Variants in PAWR observed in about 807,000 individuals in gnomAD.
PAWR encodes the protein pro-apoptotic WT1 regulator, also known as PRKC apoptosis WT1 regulator protein.
Under a neutral mutation model 32.0 loss-of-function variants are expected in PAWR, and 23 were observed. That is an observed-to-expected ratio of 0.72 (90% CI 0.52 to 1.02). PAWR has a LOEUF of 1.02. Ranked by LOEUF, PAWR falls within the 50% of genes least tolerant of loss-of-function variation. PAWR has a pLI of 0.00. For synonymous variants in PAWR, 226 were observed against 187.1 expected (o/e 1.21, Z -1.70); for missense variants, 457 against 437.7 (o/e 1.04, Z -0.39).
At chr12:79,658,097 G>A (rs1056979669) in intron 2 of PAWR, among the ~76,000 whole-genome samples, 1 of 152,122 alleles carries the variant, frequency 6.6e-6, no homozygotes, top group Non-Finnish European at 1.5e-5. Context: ...CCAAAAATTT[G>A]TGTCACTTTA....
At chr12:79,602,162 C>T (rs1392921165) in intron 4 of PAWR, among the ~76,000 whole-genome samples, 1 of 152,120 alleles carries the variant, frequency 6.6e-6, no homozygotes, top group Non-Finnish European at 1.5e-5. Flanking sequence ...ACCAAATGAC[C>T]ATCTGACACA....
intron 3 of PAWR, among the ~76,000 whole-genome samples, chr12:79,614,295 C>T (rs955659834): frequency 1.3e-5 from 2 of 151,474 alleles, no homozygotes; most frequent in African/African-American, 4.9e-5. Flanking sequence ...CAGGTGTGAG[C>T]CACTGCGCCC....
At chr12:79,671,634 T>C (rs552523362) in intron 2 of PAWR, among the ~76,000 whole-genome samples, 2 of 152,346 alleles carry the variant, frequency 1.3e-5, no homozygotes, top group Admixed American at 1.3e-4. Context: ...GTTTCCTCGA[T>C]ACGAGGGATA....
At chr12:79,594,211 A>C (rs1009545673) in intron 6 of PAWR, 118 bp downstream of exon 6, 1 of 550,416 alleles carries the variant, frequency 1.8e-6, no homozygotes, top group African/African-American at 2.0e-5. Flanking sequence ...ACTAATTATT[A>C]TTTCACTAAC....
intron 5 of PAWR, 26 bp from the exon 6 acceptor site, chr12:79,594,459 A>T (rs778554616): frequency 9.4e-7 from 1 of 1,061,866 alleles, no homozygotes. Flanking sequence ...AAAAACCAGT[A>T]ATTAGGAAGT....
chr12:79,687,130 A>G (rs1332136985), intron 2 of PAWR, among the ~76,000 whole-genome samples: 1 of 152,124 alleles, frequency 6.6e-6, no homozygotes, highest in Non-Finnish European at 1.5e-5. Flanking sequence ...TTTTCTTAAA[A>G]CTCTTAGTAA....
intron 2 of PAWR, among the ~76,000 whole-genome samples, chr12:79,643,311 T>C (rs1029800172): frequency 2.6e-5 from 4 of 152,120 alleles, no homozygotes; most frequent in Non-Finnish European, 5.9e-5. Flanking sequence ...GCAGATTATA[T>C]GAACCAAAAT....
At chr12:79,640,874 G>T (rs1377253593) in intron 2 of PAWR, among the ~76,000 whole-genome samples, 1 of 152,338 alleles carries the variant, frequency 6.6e-6, no homozygotes, top group Non-Finnish European at 1.5e-5. Context: ...ATAATAGTTT[G>T]ATGCGTAAGG....
At chr12:79,604,598 TAACC>T in intron 4 of PAWR, 1 of 1,278,362 alleles carries the variant, frequency 7.8e-7, no homozygotes, top group Non-Finnish European at 1.0e-6. Flanking sequence ...AATTCCCAAA[TAACC>T]AACAACTACT....
chr12:79,650,608 T>C, intron 2 of PAWR, among the ~76,000 whole-genome samples: 1 of 152,012 alleles, frequency 6.6e-6, no homozygotes, highest in African/African-American at 2.4e-5. Flanking sequence ...CATAGGTCTC[T>C]GTTGTTGTAG....
At chr12:79,672,715 T>C (rs1455828855) in intron 2 of PAWR, among the ~76,000 whole-genome samples, 2 of 150,820 alleles carry the variant, frequency 1.3e-5, no homozygotes, top group African/African-American at 4.9e-5. Context: ...TTAACTTGAA[T>C]GTATCACCAA....
intron 2 of PAWR, among the ~76,000 whole-genome samples, chr12:79,678,519 C>T (rs1268707978): frequency 1.3e-5 from 2 of 152,238 alleles, no homozygotes; most frequent in African/African-American, 2.4e-5. Context: ...CAAGTTCTGC[C>T]AGGATGGCCT....
rs2136670396 is a variant in PAWR, at chr12:79,592,686, T to C, written c.944A>G (p.Asp315Gly). The C allele has an allele frequency of 2.7e-6, 2 of 737,938 alleles. No homozygotes were observed. The highest frequency in any genetic ancestry group is 4.9e-6 in the Non-Finnish European group (2 of 408,162). The allele number at this position is 737,938 out of a possible 1,614,324, so 45.7% of individuals were successfully genotyped here. A position where few individuals can be genotyped will look rare whatever the true frequency, so the allele number is the denominator to read the frequency against. ...EEIDLLNRDLDDIEDENEQLK... is the reference protein window; with the variant it reads ...EEIDLLNRDLGDIEDENEQLK... ...CTGTTCATTTTCATCTTCTATGTCATCTAGGTCCTTAAGAAAAAAAAAAGA... is the reference window on the plus strand; with the variant it reads ...CTGTTCATTTTCATCTTCTATGTCACCTAGGTCCTTAAGAAAAAAAAAAGA... The change falls in exon 7 of 7, where the codon GAT becomes GGT. Residue 315 changes from aspartate (D) to glycine (G), a missense_variant. Transcript: ENST00000328827.
chr12:79,595,035 G>T (rs900473568), intron 5 of PAWR, among the ~76,000 whole-genome samples: 1 of 152,016 alleles, frequency 6.6e-6, no homozygotes, highest in African/African-American at 2.4e-5. Flanking sequence ...AACTTATTTA[G>T]CTTATCACCA....
chr12:79,603,804 AG>A (rs1452447554), intron 4 of PAWR: 1 of 149,890 alleles, frequency 6.7e-6, no homozygotes, highest in Non-Finnish European at 1.5e-5. Flanking sequence ...CCTCCCAAGT[AG>A]CTGGGATTAC....
intron 2 of PAWR, among the ~76,000 whole-genome samples, chr12:79,654,924 T>C (rs1380104008): frequency 2.0e-5 from 3 of 152,042 alleles, no homozygotes; most frequent in African/African-American, 7.2e-5. Context: ...CCAGAGGGAG[T>C]TACCACTTGG....
At chr12:79,670,850 AAT>A (rs1314463685) in intron 2 of PAWR, among the ~76,000 whole-genome samples, 12 of 151,482 alleles carry the variant, frequency 7.9e-5, no homozygotes, top group African/African-American at 2.4e-4. Flanking sequence ...TCCATATCAG[AAT>A]ATGTTTGCCA....
chr12:79,650,055 C>T (rs1225455655), intron 2 of PAWR, among the ~76,000 whole-genome samples: 1 of 152,144 alleles, frequency 6.6e-6, no homozygotes, highest in Non-Finnish European at 1.5e-5. Context: ...GGAGGTGGCG[C>T]TCAGGCCGTA....
intron 3 of PAWR, among the ~76,000 whole-genome samples, chr12:79,615,491 G>A (rs1874685128): frequency 1.3e-5 from 2 of 152,148 alleles, no homozygotes; most frequent in Admixed American, 1.3e-4. Flanking sequence ...GGGAAGTCAT[G>A]CCTTGACAGG....
Sources: gnomAD v4.1 joint callset for allele counts (sites outside exome capture counted in the v4.1 genomes callset) on GRCh38, gnomAD v4.1.1 for gene constraint, MANE v1.5 for transcripts, NCBI Gene and HGNC (gene_info 2026-07-23, HGNC 2026-07-21) for gene names.